ONECUT2: variants seen among roughly 807,000 people sequenced by gnomAD.
ONECUT2 encodes one cut domain family member 2.
Under a neutral mutation model 27.9 loss-of-function variants are expected in ONECUT2, and 10 were observed. The observed-to-expected ratio is 0.36, with a 90% CI of 0.22 to 0.61. The LOEUF (loss-of-function observed/expected upper bound fraction) is 0.61, where lower values mean the gene tolerates loss of function less well. Ranked by LOEUF, ONECUT2 falls within the 20% of genes least tolerant of loss-of-function variation. ONECUT2 has a pLI of 0.73. For synonymous variants in ONECUT2, 334 were observed against 315.1 expected, an observed-to-expected ratio of 1.06 and a Z score of -0.64; for missense variants, 686 against 721.0, an observed-to-expected ratio of 0.95 and a Z score of 0.56.
chr18:57,459,233 AG>A (rs2122126940), intron 1 of ONECUT2, among the ~76,000 whole-genome samples: 1 of 152,384 alleles, frequency 6.6e-6, no homozygotes, highest in East Asian at 1.9e-4. Context: ...GTGAAAGAGT[AG>A]AAAAAATATT....
At chr18:57,438,007 C>G (rs757903850) in intron 1 of ONECUT2, among the ~76,000 whole-genome samples, 6 of 152,240 alleles carry the variant, frequency 3.9e-5, no homozygotes, top group South Asian at 2.1e-4. Context: ...GGAGCCGGCT[C>G]GGCTCTTTGT....
chr18:57,487,017 CTTTA>C lies in ONECUT2; in HGVS notation c.*10300_*10303del, dbSNP rs1267866260. The stretch of plus-strand genomic sequence containing the variant: ...AGATCTTCCCCTTTGGTTCAATGGA[CTTTA>C]TTTATGCATGGGCGCCTATTGTTTG... On this transcript the variant is annotated 3_prime_UTR_variant, in exon 2 of 2. Coordinates refer to ENST00000491143, the MANE Select transcript of ONECUT2 (RefSeq NM_004852.3). 6.6e-6 allele frequency: 1 copy of C among 152,558 alleles called. No individual in the cohort carries two copies. Among genetic ancestry groups the C allele is most frequent in the Admixed American group, 6.6e-5 (1 of 15,262 alleles). 9.5% of individuals were successfully genotyped at this position (152,558 alleles called of 1,614,324 possible). A position where few individuals can be genotyped will look rare whatever the true frequency, so the allele number is the denominator to read the frequency against.
chr18:57,464,580 G>C (rs550146369), intron 1 of ONECUT2, among the ~76,000 whole-genome samples: 12 of 152,310 alleles, frequency 7.9e-5, no homozygotes, highest in Non-Finnish European at 1.8e-4. Context: ...ATGCAAGACA[G>C]AGATACTTTT....
At chr18:57,437,988 C>G (rs1210086315) in intron 1 of ONECUT2, among the ~76,000 whole-genome samples, 1 of 152,256 alleles carries the variant, frequency 6.6e-6, no homozygotes, top group African/African-American at 2.4e-5. Context: ...GCGCGGGTTA[C>G]ATTGTTCTGG....
At position 57,450,831 on chromosome 18, in the gene ONECUT2, CAG is replaced by C. The variant is rs1209445195; in HGVS notation, c.1228+13890_1228+13891del. Among the ~76,000 whole-genome samples, 4 of 152,138 alleles carry C rather than the reference CAG, an allele frequency of 2.6e-5. No individual in the cohort carries two copies. In the East Asian group the frequency reaches 7.7e-4, roughly 29 times the overall value. ...TAAAGTTACCTGTGAAGAAAAAAAA[CAG>C]AGGTTAATATTTTTATCTTTTTATT... On this transcript the variant is annotated intron_variant, in intron 1 of 1. Transcript: ENST00000491143.
At chr18:57,443,441 G>A (rs950641575) in intron 1 of ONECUT2, among the ~76,000 whole-genome samples, 1 of 152,166 alleles carries the variant, frequency 6.6e-6, no homozygotes, top group Non-Finnish European at 1.5e-5. Flanking sequence ...AGTCCATAAT[G>A]AGGAAGCCCT....
intron 1 of ONECUT2, among the ~76,000 whole-genome samples, chr18:57,457,396 G>T (rs975372786): frequency 6.6e-6 from 1 of 152,148 alleles, no homozygotes; most frequent in African/African-American, 2.4e-5. Flanking sequence ...TCTCAAGGCA[G>T]ATTTTACTCT....
At chr18:57,451,861 T>C (rs945184699) in intron 1 of ONECUT2, among the ~76,000 whole-genome samples, 6 of 152,150 alleles carry the variant, frequency 3.9e-5, no homozygotes, top group Non-Finnish European at 7.3e-5. Context: ...GTCACCTGCC[T>C]GAGCCCAGAG....
rs2050460364 is a variant in ONECUT2 at position 57,490,553 on chromosome 18, G to A, written c.*13830G>A. On this transcript the variant is annotated 3_prime_UTR_variant, in exon 2 of 2. Transcript: ENST00000491143. The stretch of plus-strand genomic sequence containing the variant: ...TAAAAAGGGACCCATTAAATTATGG[G>A]AAAATGGCTATAGAGTGTGAGCCTC... 6.6e-6 allele frequency: 1 copy of A among 152,056 alleles called. No individual in the cohort carries two copies. Among genetic ancestry groups the A allele is most frequent in the Non-Finnish European group, 1.5e-5 (1 of 68,016 alleles). The allele number at this position is 152,056 out of a possible 1,614,324, so 9.4% of individuals were successfully genotyped here. A position where few individuals can be genotyped will look rare whatever the true frequency, so the allele number is the denominator to read the frequency against.
intron 1 of ONECUT2, among the ~76,000 whole-genome samples, chr18:57,475,264 G>C (rs1011401890): frequency 6.6e-6 from 1 of 151,856 alleles, no homozygotes; most frequent in East Asian, 1.9e-4. Context: ...CACCATGTTG[G>C]CCAGGCTGGT....
In ONECUT2 at chr18:57,483,230, G is replaced by A. The variant is rs1345208295; in HGVS notation, c.*6507G>A. On this transcript the variant is annotated 3_prime_UTR_variant, in exon 2 of 2. Coordinates refer to ENST00000491143, the MANE Select transcript of ONECUT2 (RefSeq NM_004852.3). ...TTTCCAGGATTGAGACAATGGTACT[G>A]CGGTCTTGGGGAGACTGCGTTAGCT... 1 of 152,606 alleles carries A rather than the reference G, an allele frequency of 6.6e-6. No individual in the cohort carries two copies. The highest frequency in any genetic ancestry group is 1.5e-5 in the Non-Finnish European group (1 of 68,036). 9.5% of individuals were successfully genotyped at this position (152,606 alleles called of 1,614,324 possible). A position where few individuals can be genotyped will look rare whatever the true frequency, so the allele number is the denominator to read the frequency against.
Position 57,482,925 on chromosome 18 carries a change from G to A in ONECUT2, c.*6202G>A. ...GTGCAGGGAAAACAAAAGTATCCCAGCATCTTCATCCTGTACACTTGGAAT... is the reference window on the plus strand; with the variant it reads ...GTGCAGGGAAAACAAAAGTATCCCAACATCTTCATCCTGTACACTTGGAAT... On this transcript the variant is annotated 3_prime_UTR_variant, in exon 2 of 2. Transcript: ENST00000491143. 6.6e-6 allele frequency: 1 copy of A among 152,512 alleles called. No individual in the cohort carries two copies. Among genetic ancestry groups the A allele is most frequent in the Admixed American group, 6.5e-5 (1 of 15,272 alleles). 9.4% of individuals were successfully genotyped at this position (152,512 alleles called of 1,614,324 possible).
At chr18:57,450,581 A>C (rs2050224577) in intron 1 of ONECUT2, among the ~76,000 whole-genome samples, 1 of 152,262 alleles carries the variant, frequency 6.6e-6, no homozygotes, top group Non-Finnish European at 1.5e-5. Context: ...CATAAGCTTA[A>C]TATAGAGAAA....
In ONECUT2 at chr18:57,436,549, C is replaced by A; in HGVS notation, c.833C>A (p.Ser278Tyr). Residue 278 changes from serine to tyrosine, a missense_variant, in exon 1 of 2, where the codon TCC becomes TAC. By Grantham distance (144) the Ser-to-Tyr change is moderately radical. This residue lies in a region of ONECUT2 where 511 missense variants were observed against 488.1 expected (regional missense o/e 1.05). Coordinates refer to ENST00000491143, the MANE Select transcript of ONECUT2 (RefSeq NM_004852.3). This position sits in a 1 kb window ranked among gnomAD's most constrained non-coding sequence, Gnocchi z 5.9. The stretch of plus-strand genomic sequence containing the variant: ...CTGACCCGCGGTGAGCAACACCTGT[C>A]CCGCGGCCTGGGCACCCCACCTGCG... ...AMLTRGEQHL[S>Y]RGLGTPPAAM... 1 of 1,612,088 alleles carries A rather than the reference C, an allele frequency of 6.2e-7. No homozygotes were observed. Among genetic ancestry groups the A allele is most frequent in the South Asian group, 1.1e-5 (1 of 91,074 alleles).
chr18:57,457,550 A>T (rs900059800), intron 1 of ONECUT2, among the ~76,000 whole-genome samples: 5 of 152,106 alleles, frequency 3.3e-5, no homozygotes, highest in African/African-American at 1.2e-4. Context: ...TGCTCACTGC[A>T]GGCTTCCCTT....
intron 1 of ONECUT2, among the ~76,000 whole-genome samples, chr18:57,470,420 A>C (rs1263548049): frequency 6.6e-6 from 1 of 152,166 alleles, no homozygotes; most frequent in East Asian, 1.9e-4. Context: ...TCCTTCTCCA[A>C]GAGTAAAATG....
In ONECUT2 at chr18:57,476,993, G is replaced by C; in HGVS notation, c.*270G>C. 1 of 456,564 alleles carries C rather than the reference G, an allele frequency of 2.2e-6. No homozygotes were observed. The highest frequency in any genetic ancestry group is 3.9e-6 in the Non-Finnish European group (1 of 256,868). 28.3% of individuals were successfully genotyped at this position (456,564 alleles called of 1,614,324 possible). ...TTCTCTGAGCATGCTAAGCATCCCAGAAACCCAAATGGGGCCTTCCTGGAG... is the reference window on the plus strand; with the variant it reads ...TTCTCTGAGCATGCTAAGCATCCCACAAACCCAAATGGGGCCTTCCTGGAG... On this transcript the variant is annotated 3_prime_UTR_variant, in exon 2 of 2. Coordinates refer to ENST00000491143, the MANE Select transcript of ONECUT2 (RefSeq NM_004852.3).
At position 57,486,522 on chromosome 18, in the gene ONECUT2, A is replaced by G. The variant is rs1432725670; in HGVS notation, c.*9799A>G. 6.6e-6 allele frequency: 1 copy of G among 152,514 alleles called. No homozygotes were observed. Among genetic ancestry groups the G allele is most frequent in the Non-Finnish European group, 1.5e-5 (1 of 68,014 alleles). 9.4% of individuals were successfully genotyped at this position (152,514 alleles called of 1,614,324 possible). On this transcript the variant is annotated 3_prime_UTR_variant, in exon 2 of 2. Coordinates refer to ENST00000491143, the MANE Select transcript of ONECUT2 (RefSeq NM_004852.3). ...TTCCTTACCGAATTTTCTCAGATAT[A>G]CCTCATAGACAATAGTGTTTAGAGT... is the stretch of plus-strand genomic sequence containing the variant.
chr18:57,436,571 T>A lies in ONECUT2; in HGVS notation c.855T>A (p.Pro285=). Residue 285 remains proline, a synonymous_variant, in exon 1 of 2, where the codon CCT becomes CCA. Transcript: ENST00000491143. This position sits in a 1 kb window ranked among gnomAD's most constrained non-coding sequence, Gnocchi z 5.9. ...TGTCCCGCGGCCTGGGCACCCCACC[T>A]GCGGCCATGATGTCGCACCTGAACG... The part of the protein sequence containing the change: ...QHLSRGLGTP[P]AAMMSHLNGL... The A allele has an allele frequency of 6.2e-7, 1 of 1,611,036 alleles. No homozygotes were observed. Among genetic ancestry groups the A allele is most frequent in the Non-Finnish European group, 8.5e-7 (1 of 1,179,878 alleles).
Sources: allele counts gnomAD v4.1 joint callset (sites outside exome capture counted in the v4.1 genomes callset), GRCh38; gene constraint gnomAD v4.1.1; regional missense constraint gnomAD v4.1.1; non-coding constraint Gnocchi (gnomAD v3.1); transcripts MANE v1.5; gene names NCBI Gene and HGNC (gene_info 2026-07-23, HGNC 2026-07-21).